The following CTNNA2 variants were observed in gnomAD, a reference collection of about 807,000 sequenced individuals.
CTNNA2 encodes the protein catenin alpha 2, also known as catenin alpha-2.
Under a neutral mutation model 101.0 loss-of-function variants are expected in CTNNA2, and 42 were observed. The ratio of observed to expected loss-of-function variants is 0.42; its 90% CI spans 0.32 to 0.54. CTNNA2 has a LOEUF of 0.54. CTNNA2 is among the 20% of genes least tolerant of loss of function. The pLI is 0.14. For synonymous variants in CTNNA2, 450 were observed against 456.4 expected, an observed-to-expected ratio of 0.99 and a Z score of 0.18; for missense variants, 871 against 1,223.1, an observed-to-expected ratio of 0.71 and a Z score of 4.29.
chr2:80,446,551 C>T (rs991068819), intron 9 of CTNNA2, among the ~76,000 whole-genome samples: 31 of 152,144 alleles, frequency 2.0e-4, no homozygotes, highest in Non-Finnish European at 4.4e-4. Flanking sequence ...CTTAAGCATT[C>T]TCTTTAGCTT....
At chr2:79,509,146 C>T (rs1019062735), upstream of CTNNA2, among the ~76,000 whole-genome samples, 15 of 151,506 alleles carry the variant, frequency 9.9e-5, no homozygotes, top group South Asian at 4.2e-4. Context: ...ATACATAAAA[C>T]GACAAAAGTG....
At chr2:80,099,567 T>C (rs1700406532) in intron 7 of CTNNA2, among the ~76,000 whole-genome samples, 1 of 152,170 alleles carries the variant, frequency 6.6e-6, no homozygotes, top group Non-Finnish European at 1.5e-5. Flanking sequence ...GACTGGTATG[T>C]AGGCAAGGGG....
At chr2:80,587,731 A>C (rs528056396) in intron 14 of CTNNA2, among the ~76,000 whole-genome samples, 50 of 152,278 alleles carry the variant, frequency 3.3e-4, no homozygotes, top group African/African-American at 1.1e-3. Flanking sequence ...TTACTTGTTC[A>C]TTGCAGAAAC....
chr2:80,480,529 G>A (rs921273535), intron 9 of CTNNA2, among the ~76,000 whole-genome samples: 1 of 152,112 alleles, frequency 6.6e-6, no homozygotes, highest in Admixed American at 6.6e-5. Flanking sequence ...TGAGATGTAA[G>A]TATCGTTGCT....
At chr2:79,813,030 C>T (rs61235291) in intron 3 of CTNNA2, among the ~76,000 whole-genome samples, 29,380 of 152,088 alleles carry the variant, frequency 0.19, 3,348 homozygotes, top group African/African-American at 0.32. Flanking sequence ...GACTGGTTAG[C>T]CACTGCAGTT....
At position 80,573,273 on chromosome 2, in the gene CTNNA2, TGGA is replaced by T. The variant is rs1394490835; in HGVS notation, c.1742-887_1742-885del. 3.3e-5 allele frequency: 5 copies of T among 152,350 alleles called. No homozygotes were observed. In the East Asian group the frequency reaches 9.6e-4, roughly 29 times the overall value. The allele number at this position is 152,350 out of a possible 1,614,324, so 9.4% of individuals were successfully genotyped here. A position where few individuals can be genotyped will look rare whatever the true frequency, so the allele number is the denominator to read the frequency against. ...TCAGCAGCATCTTTTAAGAAGTTAG[TGGA>T]GGTGTTCCAGACGCTCCGCTGAGTT... On this transcript the variant is annotated intron_variant, in intron 12 of 18. Coordinates refer to ENST00000402739, the MANE Select transcript of CTNNA2 (RefSeq NM_001282597.3).
intron 7 of CTNNA2, among the ~76,000 whole-genome samples, chr2:80,365,997 A>G (rs2149325275): frequency 6.6e-6 from 1 of 152,206 alleles, no homozygotes; most frequent in East Asian, 1.9e-4. Context: ...CACTTCCTCT[A>G]ATTAAACTGA....
rs1705472148 is a variant in CTNNA2, at chr2:80,177,545, C to T, written c.1057-215666C>T. On this transcript the variant is annotated intron_variant, in intron 7 of 18. Coordinates refer to ENST00000402739, the MANE Select transcript of CTNNA2 (RefSeq NM_001282597.3). ...TGTTGCTGAGCCCATGCATAACCTC[C>T]ATCTCTGTTACCATGGCCACTTTTT... Among the ~76,000 whole-genome samples the T allele has an allele frequency of 2.0e-5, 3 of 152,280 alleles. No homozygotes were observed. In the South Asian group the frequency reaches 6.2e-4, roughly 32 times the overall value.
chr2:79,406,072 G>A (rs1228142211), intron 4 of CTNNA2, among the ~76,000 whole-genome samples: 1 of 151,982 alleles, frequency 6.6e-6, no homozygotes, highest in African/African-American at 2.4e-5. Flanking sequence ...GGAGAAGGGT[G>A]GTTAAGTTCA....
chr2:79,844,816 T>G (rs1192801191), intron 3 of CTNNA2, among the ~76,000 whole-genome samples: 3 of 54,688 alleles, frequency 5.5e-5, no homozygotes, highest in Non-Finnish European at 7.8e-5. Flanking sequence ...CTGGGACATT[T>G]TCATCTATAC....
intron 7 of CTNNA2, among the ~76,000 whole-genome samples, chr2:80,271,428 T>C (rs1279503148): frequency 1.3e-5 from 2 of 151,816 alleles, no homozygotes; most frequent in African/African-American, 4.8e-5. Context: ...AGTCTTTTTT[T>C]TTTTTTTTTC....
chr2:80,159,278 A>G (rs1434438824), intron 7 of CTNNA2, among the ~76,000 whole-genome samples: 1 of 152,198 alleles, frequency 6.6e-6, no homozygotes, highest in Non-Finnish European at 1.5e-5. Context: ...TGTTCCCTAT[A>G]TCCTCTGCCA....
chr2:79,453,158 A>T (rs1475510425), intron 4 of CTNNA2, among the ~76,000 whole-genome samples: 1 of 152,094 alleles, frequency 6.6e-6, no homozygotes, highest in African/African-American at 2.4e-5. Flanking sequence ...GAATAGCTGC[A>T]CCCAAGAAAA....
chr2:80,153,862 A>T (rs1038775788), intron 7 of CTNNA2, among the ~76,000 whole-genome samples: 2 of 152,186 alleles, frequency 1.3e-5, no homozygotes, highest in Non-Finnish European at 2.9e-5. Context: ...TTCAAATTAC[A>T]TGGTTCTCCC....
intron 2 of CTNNA2, among the ~76,000 whole-genome samples, chr2:79,263,730 G>A (rs535617190): frequency 3.7e-4 from 57 of 152,146 alleles, no homozygotes; most frequent in African/African-American, 1.2e-3. Flanking sequence ...AAGGGAGCTC[G>A]GCTCCTTCTT....
chr2:79,382,208 A>G (rs1326201720), intron 4 of CTNNA2, among the ~76,000 whole-genome samples: 1 of 151,932 alleles, frequency 6.6e-6, no homozygotes, highest in African/African-American at 2.4e-5. Flanking sequence ...TCAGGCCTTC[A>G]GACTCAGACT....
intron 7 of CTNNA2, among the ~76,000 whole-genome samples, chr2:80,126,617 TCCCTCCCTCCC>T (rs1702132585): frequency 2.6e-5 from 1 of 39,118 alleles, no homozygotes; most frequent in African/African-American, 1.0e-4. Flanking sequence ...CCTCCCTCCC[TCCCTCCCTCCC>T]TCCCTCCCTT....
At chr2:80,036,622 C>A (rs1361681924) in intron 7 of CTNNA2, among the ~76,000 whole-genome samples, 1 of 151,714 alleles carries the variant, frequency 6.6e-6, no homozygotes, top group African/African-American at 2.4e-5. Context: ...AAAATAGGAA[C>A]AAAAGTAAAT....
intron 6 of CTNNA2, among the ~76,000 whole-genome samples, chr2:79,883,668 G>A (rs967898733): frequency 1.3e-5 from 2 of 151,970 alleles, no homozygotes; most frequent in Non-Finnish European, 2.9e-5. Flanking sequence ...GTGGGAGAGA[G>A]GAATGTTAAA....
Sources: gnomAD v4.1 joint callset for allele counts (sites outside exome capture counted in the v4.1 genomes callset) on GRCh38, gnomAD v4.1.1 for gene constraint, MANE v1.5 for transcripts, NCBI Gene and HGNC (gene_info 2026-07-23, HGNC 2026-07-21) for gene names.